The following L1CAM variants were observed in gnomAD, a reference collection of about 807,000 sequenced individuals.
L1CAM encodes the protein neural cell adhesion molecule L1.
L1CAM carries 8 observed loss-of-function variants against 93.0 expected under a neutral mutation model. That is an observed-to-expected ratio of 0.09 (90% CI 0.05 to 0.16). The LOEUF (loss-of-function observed/expected upper bound fraction) is 0.16. L1CAM is among the 10% of genes least tolerant of loss of function. The probability of loss-of-function intolerance (pLI) is 1.00; values close to 1 mark genes in which losing one functional copy is unlikely to be tolerated. For synonymous variants in L1CAM, 453 were observed against 453.0 expected (o/e 1.00, Z 0.00); for missense variants, 777 against 1,073.4 (o/e 0.72, Z 3.86).
chrX:153,867,632 T>C, intron 16 of L1CAM, 79 bp from the exon 17 acceptor site: 1 of 1,026,847 alleles, frequency 9.7e-7, no homozygotes, highest in Non-Finnish European at 1.4e-6. Context: ...GGGTACAGTC[T>C]GGGTCCCTGA....
Position 153,864,899 on chromosome X carries a change from G to A in L1CAM, c.2968C>T (p.Arg990Cys), listed in dbSNP as rs782573655. Residue 990 changes from arginine to cysteine, a missense_variant, in exon 23 of 29, where the codon CGC (arginine) becomes TGC (cysteine). Physicochemically the swap from Arg to Cys is radical, Grantham distance 180. Coordinates refer to ENST00000370060, the MANE Select transcript of L1CAM (RefSeq NM_001278116.2). ...LTDLSPHLRY[R>C]FQLQATTKEG... Reference sequence around the variant, plus strand: ...TTGGTGGTGGCCTGAAGCTGGAAGCGGTACCGCAGGTGGGGGCTGAGATCG... The same window carrying A: ...TTGGTGGTGGCCTGAAGCTGGAAGCAGTACCGCAGGTGGGGGCTGAGATCG... 11 of 1,211,204 alleles carry A rather than the reference G, an allele frequency of 9.1e-6. No homozygotes were observed. The highest frequency in any genetic ancestry group is 3.5e-5 in the South Asian group (2 of 56,935).
chrX:153,863,572 C>G, intron 26 of L1CAM, 23 bp from the exon 27 acceptor site: 1 of 1,175,919 alleles, frequency 8.5e-7, no homozygotes. Flanking sequence ...AGAGGGACAG[C>G]TTCTTCTCCC....
chrX:153,866,913 A>T, intron 18 of L1CAM, 42 bp from the exon 19 acceptor site: 2 of 1,160,579 alleles, frequency 1.7e-6, no homozygotes, highest in South Asian at 3.6e-5. Context: ...GGCCAAGAAC[A>T]CCAGCATTCT....
intron 5 of L1CAM, 98 bp downstream of exon 5, chrX:153,872,053 GC>G: frequency 1.4e-6 from 1 of 715,525 alleles, no homozygotes; most frequent in Non-Finnish European, 2.2e-6. Context: ...GGACACCCAG[GC>G]CCCTCGCCAC....
At position 153,870,483 on chromosome X, in the gene L1CAM, G is replaced by T; in HGVS notation, c.711C>A (p.Asp237Glu). 2 of 1,210,649 alleles carry T rather than the reference G, an allele frequency of 1.7e-6. No homozygotes were observed. Among genetic ancestry groups the T allele is most frequent in the Non-Finnish European group, 2.2e-6 (2 of 894,236 alleles). ...LRVKATNSMIDRKPRLLFPTN... is the reference protein window; with the variant it reads ...LRVKATNSMIERKPRLLFPTN... ...TGGGGAAGAGCAGGCGCGGCTTCCT[G>T]TCAATCATGCTGTTGGCTGCCAGGA... is the stretch of plus-strand genomic sequence containing the variant. Residue 237 changes from aspartate (D) to glutamate (E), a missense_variant, in exon 8 of 29, where the codon GAC becomes GAA. By Grantham distance (45) the Asp-to-Glu change is conservative. Coordinates refer to ENST00000370060, the MANE Select transcript of L1CAM (RefSeq NM_001278116.2).
chrX:153,874,389 G>T (rs2148501637), intron 2 of L1CAM, among the ~76,000 whole-genome samples: 1 of 113,270 alleles, frequency 8.8e-6, no homozygotes, highest in East Asian at 2.8e-4. Context: ...GGGTCTAAAA[G>T]CCTCACTGGT....
chrX:153,867,719 C>T, intron 16 of L1CAM, 81 bp downstream of exon 16: 2 of 1,019,616 alleles, frequency 2.0e-6, no homozygotes, highest in Middle Eastern at 3.0e-4. Context: ...CCCAGGAAGG[C>T]TCCAGGAGGA....
intron 19 of L1CAM, 26 bp downstream of exon 19, chrX:153,866,623 G>A (rs782317791): frequency 8.6e-7 from 1 of 1,156,769 alleles, no homozygotes. Context: ...CTCAACCGTG[G>A]GCGAGGGGCC....
intron 1 of L1CAM, among the ~76,000 whole-genome samples, chrX:153,879,863 G>C (rs1262893267): frequency 1.8e-5 from 2 of 112,199 alleles, no homozygotes; most frequent in Non-Finnish European, 3.8e-5. Context: ...TGGTCACCTG[G>C]CTGGAGGAGA....
At position 153,868,834 on chromosome X, in the gene L1CAM, C is replaced by A; in HGVS notation, c.1379+7G>T. 4 of 1,207,161 alleles carry A rather than the reference C, an allele frequency of 3.3e-6. No homozygotes were observed. The South Asian group carries it at 7.0e-5, about 21-fold the overall frequency. On this transcript the variant is annotated splice_region_variant and intron_variant, in intron 12 of 28. Transcript: ENST00000370060. ...GACACTCACCACTACCAGGACGAGA[C>A]ACTCACCACTGAACACTGGGCACAG...
rs202144061 is a variant in L1CAM, at chrX:153,862,166, C to T, written c.*497G>A. ...CCCCTGCCCCCGCGGCCAGTTTGCC[C>T]GGCTCCCATCCCGGTTGGAGCAGAG... On this transcript the variant is annotated 3_prime_UTR_variant, in exon 29 of 29. Transcript: ENST00000370060. 17 of 117,555 alleles carry T rather than the reference C, an allele frequency of 1.4e-4. No individual in the cohort carries two copies. The highest frequency in any genetic ancestry group is 2.3e-4 in the Non-Finnish European group (13 of 56,828). The allele number at this position is 117,555 out of a possible 1,213,427, so 9.7% of individuals were successfully genotyped here.
chrX:153,885,442 C>T (rs1390008788), intron 1 of L1CAM: 1 of 969,047 alleles, frequency 1.0e-6, no homozygotes, highest in Non-Finnish European at 1.3e-6. Flanking sequence ...TTCGGGTGAG[C>T]CCGGAGGAGC....
At chrX:153,878,201 G>A (rs1320854023) in intron 1 of L1CAM, among the ~76,000 whole-genome samples, 2 of 112,754 alleles carry the variant, frequency 1.8e-5, no homozygotes, top group African/African-American at 3.2e-5. Flanking sequence ...TTATCAAAGC[G>A]GGCACCGAGC....
intron 1 of L1CAM, chrX:153,885,792 C>T: frequency 1.2e-6 from 1 of 803,532 alleles, no homozygotes. Flanking sequence ...GCCCCCCGCC[C>T]TGTTCTCCCG....
chrX:153,863,692 C>T (rs1427782638), intron 26 of L1CAM, 143 bp from the exon 27 acceptor site: 16 of 808,915 alleles, frequency 2.0e-5, no homozygotes, highest in Middle Eastern at 3.9e-4. Flanking sequence ...TCACCCCCTG[C>T]GGTCCAGCCA....
At chrX:153,880,913 C>A (rs782060327) in intron 1 of L1CAM, among the ~76,000 whole-genome samples, 2 of 111,946 alleles carry the variant, frequency 1.8e-5, no homozygotes, top group African/African-American at 6.5e-5. Context: ...CCCCTCATCT[C>A]GCCTGAGGCT....
chrX:153,875,699 A>G, intron 2 of L1CAM, 62 bp downstream of exon 2: 1 of 993,202 alleles, frequency 1.0e-6, no homozygotes, highest in South Asian at 1.9e-5. Context: ...AGGAGGTAGA[A>G]GATAAAGAGG....
At chrX:153,883,868 G>C in intron 1 of L1CAM, 2 of 342,889 alleles carry the variant, frequency 5.8e-6, no homozygotes, top group South Asian at 2.6e-5. Context: ...CAGCCATTTC[G>C]AGCTTTGAAA....
At chrX:153,878,915 T>A (rs1014258825) in intron 1 of L1CAM, among the ~76,000 whole-genome samples, 8 of 110,642 alleles carry the variant, frequency 7.2e-5, no homozygotes, top group Non-Finnish European at 1.5e-4. Context: ...TTTTTTGGTC[T>A]CCCAGTATTT....
Sources: gnomAD v4.1 joint callset for allele counts (sites outside exome capture counted in the v4.1 genomes callset) on GRCh38, gnomAD v4.1.1 for gene constraint, MANE v1.5 for transcripts, NCBI Gene and HGNC (gene_info 2026-07-23, HGNC 2026-07-21) for gene names.